SHC4: variants seen among roughly 807,000 people sequenced by gnomAD.
The protein encoded by SHC4 is SHC adaptor protein 4, also known as SHC-transforming protein 4.
A neutral mutation model predicts 69.4 loss-of-function variants in SHC4; 41 were observed. The ratio of observed to expected loss-of-function variants is 0.59; its 90% CI spans 0.46 to 0.77. The LOEUF (loss-of-function observed/expected upper bound fraction) is 0.77. Ranked by LOEUF, SHC4 falls within the 30% of genes least tolerant of loss-of-function variation. The probability of loss-of-function intolerance (pLI) is 0.00; values close to 1 mark genes in which losing one functional copy is unlikely to be tolerated. For missense variants in SHC4, 777 were observed against 783.8 expected (o/e 0.99, Z 0.10); for synonymous variants, 318 against 299.3 (o/e 1.06, Z -0.64).
chr15:48,870,765 G>A (rs1899658172), intron 5 of SHC4, among the ~76,000 whole-genome samples: 1 of 152,120 alleles, frequency 6.6e-6, no homozygotes, highest in African/African-American at 2.4e-5. Context: ...TTATTGAAGT[G>A]TTTTTAAGAA....
At chr15:48,961,629 T>C (rs950545573) in intron 1 of SHC4, among the ~76,000 whole-genome samples, 10 of 152,254 alleles carry the variant, frequency 6.6e-5, no homozygotes, top group African/African-American at 2.2e-4. Context: ...ATCTTTCCTT[T>C]TTTCTGAATT....
intron 1 of SHC4, among the ~76,000 whole-genome samples, chr15:48,932,158 T>C (rs531555483): frequency 1.3e-5 from 2 of 152,246 alleles, no homozygotes; most frequent in East Asian, 3.9e-4. Context: ...AACACATATA[T>C]GGCATGTTAT....
intron 1 of SHC4, among the ~76,000 whole-genome samples, chr15:48,935,353 T>C (rs939536114): frequency 6.6e-6 from 1 of 152,204 alleles, no homozygotes; most frequent in East Asian, 1.9e-4. Context: ...TGCTGCAATT[T>C]ATCTGTTCCA....
intron 2 of SHC4, among the ~76,000 whole-genome samples, chr15:48,910,840 G>A (rs1383539540): frequency 6.6e-6 from 1 of 152,154 alleles, no homozygotes. Context: ...TCATGCAAGA[G>A]CAGGTTATTT....
At chr15:48,879,421 C>T (rs1899895804) in intron 4 of SHC4, 1 of 167,030 alleles carries the variant, frequency 6.0e-6, no homozygotes, top group Non-Finnish European at 1.5e-5. Flanking sequence ...TTGTCATAAC[C>T]ATTTTTAAAA....
intron 4 of SHC4, chr15:48,878,126 CAGCATCT>C (rs1452177648): frequency 6.6e-7 from 1 of 1,509,170 alleles, no homozygotes; most frequent in Non-Finnish European, 8.9e-7. Flanking sequence ...CACGGCCGCG[CAGCATCT>C]GTCTTGCTGG....
Position 48,941,906 on chromosome 15 carries a change from A to T in SHC4, c.586-16957T>A, listed in dbSNP as rs1439378242. ...TCCTTCACCTCCTTCACACCCTCCC[A>T]CTCTTCTGAGTCTCCAATGTCTATC... On this transcript the variant is annotated intron_variant, in intron 1 of 11. Transcript: ENST00000332408. Among the ~76,000 whole-genome samples the T allele has an allele frequency of 2.0e-5, 3 of 151,898 alleles. No individual in the cohort carries two copies. The South Asian group carries it at 6.2e-4, about 31-fold the overall frequency.
At chr15:48,960,484 A>AC (rs1271239487) in intron 1 of SHC4, among the ~76,000 whole-genome samples, 1 of 152,210 alleles carries the variant, frequency 6.6e-6, no homozygotes, top group Non-Finnish European at 1.5e-5. Flanking sequence ...GTGCCATGTC[A>AC]CTGTGGGTGA....
intron 6 of SHC4, among the ~76,000 whole-genome samples, chr15:48,860,491 G>A (rs890051989): frequency 2.6e-5 from 4 of 151,962 alleles, no homozygotes; most frequent in African/African-American, 9.7e-5. Context: ...TGGGCGACGA[G>A]TGAAACTCCA....
At chr15:48,927,165 G>A (rs1201066591) in intron 1 of SHC4, among the ~76,000 whole-genome samples, 1 of 152,190 alleles carries the variant, frequency 6.6e-6, no homozygotes, top group African/African-American at 2.4e-5. Flanking sequence ...AAGCATCCAA[G>A]CTCCACGTCC....
intron 6 of SHC4, among the ~76,000 whole-genome samples, chr15:48,863,841 T>C (rs1899500639): frequency 6.6e-6 from 1 of 152,202 alleles, no homozygotes; most frequent in South Asian, 2.1e-4. Flanking sequence ...GCTCAGGACG[T>C]AGAATCTGTC....
chr15:48,946,414 G>A (rs117815571), intron 1 of SHC4: 4,753 of 232,854 alleles, frequency 0.02, 65 homozygotes, highest in Non-Finnish European at 0.029. Context: ...TGCCAGGGCC[G>A]AGGGGCCTCC....
intron 4 of SHC4, among the ~76,000 whole-genome samples, chr15:48,875,190 T>C (rs1428617610): frequency 7.8e-6 from 1 of 128,366 alleles, no homozygotes; most frequent in African/African-American, 2.6e-5. Flanking sequence ...ATGTAGCAAG[T>C]GGCTATCTAA....
rs1260901675 is a variant in SHC4 at position 48,825,715 on chromosome 15, T to C, written c.*256A>G. 3 of 356,348 alleles carry C rather than the reference T, an allele frequency of 8.4e-6. No individual in the cohort carries two copies. The highest frequency in any genetic ancestry group is 6.3e-5 in the African/African-American group (3 of 47,652). 22.1% of individuals were successfully genotyped at this position (356,348 alleles called of 1,614,324 possible). Reference sequence around the variant, plus strand: ...AGCTTGTTATCAATGCAATATGGCCTTAAAAAGTGACATCCGTGCATACAT... The same window carrying C: ...AGCTTGTTATCAATGCAATATGGCCCTAAAAAGTGACATCCGTGCATACAT... On this transcript the variant is annotated 3_prime_UTR_variant, in exon 12 of 12. Transcript: ENST00000332408.
chr15:48,828,320 T>C (rs571966712), intron 11 of SHC4, among the ~76,000 whole-genome samples: 2 of 152,302 alleles, frequency 1.3e-5, no homozygotes, highest in African/African-American at 4.8e-5. Flanking sequence ...CACTGTAGCA[T>C]AGGACAGGAT....
intron 11 of SHC4, among the ~76,000 whole-genome samples, chr15:48,826,787 A>C (rs976564799): frequency 1.3e-5 from 2 of 152,204 alleles, no homozygotes; most frequent in East Asian, 3.9e-4. Context: ...TGTCTCTGTC[A>C]GAAGCAGGCC....
chr15:48,925,005 CT>C, intron 1 of SHC4, 56 bp from the exon 2 acceptor site: 1 of 1,579,262 alleles, frequency 6.3e-7, no homozygotes. Context: ...GAAGCTGTCT[CT>C]TAGCTTCACG....
intron 4 of SHC4, chr15:48,879,591 C>T (rs1899900050): frequency 6.0e-6 from 1 of 166,962 alleles, no homozygotes; most frequent in Admixed American, 6.5e-5. Flanking sequence ...TTTAGTTGAA[C>T]TTCATATTGT....
Position 48,881,385 on chromosome 15 carries a change from A to AC in SHC4, c.840+2862_840+2863insG, listed in dbSNP as rs1242404732. Among the ~76,000 whole-genome samples, 3 of 152,012 alleles carry AC rather than the reference A, an allele frequency of 2.0e-5. No individual in the cohort carries two copies. In the East Asian group the frequency reaches 5.8e-4, roughly 29 times the overall value. ...AACAAAAAAACAAAGCAAAAAAAAA[A>AC]AAAAACCATCTGATTCACCTTTAGA... On this transcript the variant is annotated intron_variant, in intron 4 of 11. Coordinates refer to ENST00000332408, the MANE Select transcript of SHC4 (RefSeq NM_203349.4).
Sources: gnomAD v4.1 joint callset for allele counts (sites outside exome capture counted in the v4.1 genomes callset) on GRCh38, gnomAD v4.1.1 for gene constraint, MANE v1.5 for transcripts, NCBI Gene and HGNC (gene_info 2026-07-23, HGNC 2026-07-21) for gene names.